The following RAB23 variants were observed in gnomAD, a reference collection of about 807,000 sequenced individuals.
RAB23 encodes the protein RAB23, member RAS oncogene family.
RAB23 carries 15 observed loss-of-function variants against 30.0 expected under a neutral mutation model. The observed-to-expected ratio is 0.50, with a 90% confidence interval of 0.33 to 0.77. RAB23 has a LOEUF of 0.77. Among genes scored for constraint, RAB23 ranks in the 30% least tolerant of loss-of-function variants. The pLI, the probability that RAB23 is intolerant of heterozygous loss-of-function variation, is 0.02. For synonymous variants in RAB23, 93 were observed against 94.0 expected (o/e 0.99, Z 0.06); for missense variants, 243 against 275.4 (o/e 0.88, Z 0.83).
Position 57,210,226 on chromosome 6 carries a change from T to C in RAB23, c.155A>G (p.Gln52Arg), listed in dbSNP as rs770533291. Residue 52 changes from glutamine (Q) to arginine (R), a missense_variant and splice_region_variant, in exon 2 of 7, where the codon CAA becomes CGA. By Grantham distance (43) the Gln-to-Arg change is conservative (BLOSUM62 1). Coordinates refer to ENST00000468148, the MANE Select transcript of RAB23 (RefSeq NM_016277.5). Reference protein sequence around the residue: ...IGVDFLERQIQVNDEDVRLML... With the variant: ...IGVDFLERQIRVNDEDVRLML... ...AGGAATAAAATGGCCAAGTACTTAC[T>C]GAATTTGTCGCTCCAAAAAATCAAC... 1.2e-6 allele frequency: 2 copies of C among 1,613,728 alleles called. No homozygotes were observed. Among genetic ancestry groups the C allele is most frequent in the African/African-American group, 1.3e-5 (1 of 75,072 alleles).
chr6:57,221,585 T>A (rs1386794568), intron 1 of RAB23, 141 bp downstream of exon 1: 1 of 152,404 alleles, frequency 6.6e-6, no homozygotes, highest in Admixed American at 6.5e-5. Flanking sequence ...CCCTTACTGG[T>A]GTCTGGCCCA....
At position 57,190,371 on chromosome 6, in the gene RAB23, T is replaced by G; in HGVS notation, c.*90A>C. The G allele has an allele frequency of 6.7e-7, 1 of 1,485,144 alleles. No homozygotes were observed. The highest frequency in any genetic ancestry group is 9.4e-7 in the Non-Finnish European group (1 of 1,067,342). 92.0% of individuals were successfully genotyped at this position (1,485,144 alleles called of 1,614,324 possible). A position where few individuals can be genotyped will look rare whatever the true frequency, so the allele number is the denominator to read the frequency against. On this transcript the variant is annotated 3_prime_UTR_variant, in exon 7 of 7. Coordinates refer to ENST00000468148, the MANE Select transcript of RAB23 (RefSeq NM_016277.5). ...TCAGAGAGCCATTAGGAGCAAAGTC[T>G]GCTGAAAACCTTGTAACATACCATG... is the stretch of plus-strand genomic sequence containing the variant.
chr6:57,211,586 G>T (rs1765655873), intron 1 of RAB23, among the ~76,000 whole-genome samples: 1 of 152,096 alleles, frequency 6.6e-6, no homozygotes. Context: ...CCCTAAAAAA[G>T]CACCCCAAAG....
chr6:57,221,063 CT>C (rs201788007), intron 1 of RAB23, among the ~76,000 whole-genome samples: 3,826 of 152,192 alleles, frequency 0.025, 163 homozygotes, highest in African/African-American at 0.088. Flanking sequence ...TTCCCCAAAA[CT>C]TTTAACATTT....
At chr6:57,195,751 G>A (rs192631753) in intron 4 of RAB23, among the ~76,000 whole-genome samples, 205 of 152,260 alleles carry the variant, frequency 1.3e-3, no homozygotes, top group Middle Eastern at 6.8e-3. Context: ...GTGAGAACAG[G>A]CCTAGCCAAC....
At chr6:57,194,971 T>A in intron 4 of RAB23, 119 bp from the exon 5 acceptor site, 1 of 696,830 alleles carries the variant, frequency 1.4e-6, no homozygotes, top group Non-Finnish European at 2.5e-6. Flanking sequence ...GGAAGGTGGA[T>A]CAGATCTTTC....
intron 1 of RAB23, among the ~76,000 whole-genome samples, chr6:57,213,331 T>C (rs1765721577): frequency 6.6e-6 from 1 of 152,088 alleles, no homozygotes; most frequent in Non-Finnish European, 1.5e-5. Context: ...TGGTCTAGGG[T>C]ACAATCTGGA....
chr6:57,190,422 T>C lies in RAB23; in HGVS notation c.*39A>G. 1 of 1,609,516 alleles carries C rather than the reference T, an allele frequency of 6.2e-7. No homozygotes were observed. The highest frequency in any genetic ancestry group is 8.5e-7 in the Non-Finnish European group (1 of 1,176,142). On this transcript the variant is annotated 3_prime_UTR_variant, in exon 7 of 7. Coordinates refer to ENST00000468148, the MANE Select transcript of RAB23 (RefSeq NM_016277.5). ...ACAGCTGGATGGGTTTCTTAATGCATTGCACAATGTAATTCAATTGTTTTC... is the reference window on the plus strand; with the variant it reads ...ACAGCTGGATGGGTTTCTTAATGCACTGCACAATGTAATTCAATTGTTTTC...
intron 2 of RAB23, among the ~76,000 whole-genome samples, chr6:57,208,673 G>C (rs1396600078): frequency 6.7e-6 from 1 of 149,466 alleles, no homozygotes; most frequent in Non-Finnish European, 1.5e-5. Flanking sequence ...CTGGCTCACT[G>C]GTTGCCCTTA....
rs541738118 is a variant in RAB23, at chr6:57,190,823, A to G, written c.575-223T>C. Among the ~76,000 whole-genome samples the G allele has an allele frequency of 2.0e-4, 31 of 152,294 alleles. No individual in the cohort carries two copies. In the South Asian group the frequency reaches 6.4e-3, roughly 32 times the overall value. On this transcript the variant is annotated intron_variant, in intron 6 of 6. Coordinates refer to ENST00000468148, the MANE Select transcript of RAB23 (RefSeq NM_016277.5). The stretch of plus-strand genomic sequence containing the variant: ...GGAACAATCACCCCCGTCCATCTCC[A>G]TAACTCTTTTCATCTTTAAAACTGA...
At chr6:57,196,339 TC>T (rs1454884202) in intron 4 of RAB23, 110 bp downstream of exon 4, 1 of 1,297,924 alleles carries the variant, frequency 7.7e-7, no homozygotes, top group African/African-American at 1.5e-5. Flanking sequence ...ATTAAAGCCT[TC>T]AAAATGAAAG....
chr6:57,214,784 C>T (rs570614852), intron 1 of RAB23, among the ~76,000 whole-genome samples: 17 of 152,174 alleles, frequency 1.1e-4, no homozygotes, highest in South Asian at 6.2e-4. Context: ...CTGATTTCAT[C>T]GAAAATCACT....
chr6:57,218,393 T>C (rs1048185597), intron 1 of RAB23, among the ~76,000 whole-genome samples: 1 of 152,164 alleles, frequency 6.6e-6, no homozygotes, highest in African/African-American at 2.4e-5. Flanking sequence ...GCAAGGCTAG[T>C]TAAATACTCA....
At chr6:57,193,280 T>C (rs955213503) in intron 6 of RAB23, among the ~76,000 whole-genome samples, 4 of 151,500 alleles carry the variant, frequency 2.6e-5, no homozygotes, top group African/African-American at 4.9e-5. Context: ...TTTCTACATA[T>C]GTAGTGAAGG....
rs1387730909 is a variant in RAB23, at chr6:57,189,632, A to G, written c.*829T>C. On this transcript the variant is annotated 3_prime_UTR_variant, in exon 7 of 7. Coordinates refer to ENST00000468148, the MANE Select transcript of RAB23 (RefSeq NM_016277.5). ...GAGATGCTCTAGCATTCAAATTCCTATACTCCTCTTTTATCTACGCTGTCA... is the reference window on the plus strand; with the variant it reads ...GAGATGCTCTAGCATTCAAATTCCTGTACTCCTCTTTTATCTACGCTGTCA... 6.6e-6 allele frequency: 1 copy of G among 152,580 alleles called. No homozygotes were observed. The highest frequency in any genetic ancestry group is 2.4e-5 in the African/African-American group (1 of 41,424). The allele number at this position is 152,580 out of a possible 1,614,324, so 9.5% of individuals were successfully genotyped here.
intron 1 of RAB23, among the ~76,000 whole-genome samples, chr6:57,211,489 A>T (rs1179410964): frequency 6.6e-6 from 1 of 152,092 alleles, no homozygotes; most frequent in Non-Finnish European, 1.5e-5. Flanking sequence ...ATAAAAAAAA[A>T]TTGTAAATCC....
rs114273852 is a variant in RAB23, at chr6:57,206,326, C to T, written c.241+1302G>A. 6.2e-3 allele frequency among the ~76,000 whole-genome samples: 949 copies of T among 151,940 alleles called. 11 individuals are homozygous for T. The highest frequency in any genetic ancestry group is 0.022 in the African/African-American group (899 of 41,406). On this transcript the variant is annotated intron_variant, in intron 3 of 6. Transcript: ENST00000468148. The stretch of plus-strand genomic sequence containing the variant: ...GAAGCTCTCGATGGTTTCAAGACAG[C>T]GTCTGGATATTAAAGTTAGCAAGCC...
rs2127995091 is a variant in RAB23, at chr6:57,188,234, GAAATT to G, written c.*2222_*2226del. ...AGGCTTTAAGAATTGATTAAATTGA[GAAATT>G]AACATGGCTGACTTTCAGGCCTACT... is the stretch of plus-strand genomic sequence containing the variant. On this transcript the variant is annotated 3_prime_UTR_variant, in exon 7 of 7. Transcript: ENST00000468148. 1 of 152,206 alleles carries G rather than the reference GAAATT, an allele frequency of 6.6e-6. No individual in the cohort carries two copies. Among genetic ancestry groups the G allele is most frequent in the East Asian group, 1.9e-4 (1 of 5,184 alleles). The allele number at this position is 152,206 out of a possible 1,614,324, so 9.4% of individuals were successfully genotyped here. A position where few individuals can be genotyped will look rare whatever the true frequency, so the allele number is the denominator to read the frequency against.
chr6:57,211,754 G>A (rs16888392), intron 1 of RAB23, among the ~76,000 whole-genome samples: 22,200 of 152,168 alleles, frequency 0.15, 1,707 homozygotes, highest in Middle Eastern at 0.18. Flanking sequence ...TACAGTGAAA[G>A]CAATAGAATG....
Sources: allele counts gnomAD v4.1 joint callset (sites outside exome capture counted in the v4.1 genomes callset), GRCh38; gene constraint gnomAD v4.1.1; transcripts MANE v1.5; gene names NCBI Gene and HGNC (gene_info 2026-07-23, HGNC 2026-07-21).